AGBL1: variants seen among roughly 807,000 people sequenced by gnomAD.
AGBL1 encodes the protein cytosolic carboxypeptidase 4.
AGBL1 carries 130 observed loss-of-function variants against 118.9 expected under a neutral mutation model. The observed-to-expected ratio is 1.09, with a 90% CI of 0.95 to 1.26. AGBL1 has a LOEUF of 1.26. AGBL1 is among the 50% of genes most tolerant of loss of function. The pLI is 0.00. For synonymous variants in AGBL1, 555 were observed against 478.9 expected (o/e 1.16, Z -2.08); for missense variants, 1,584 against 1,298.1 (o/e 1.22, Z -3.38).
intron 22 of AGBL1, among the ~76,000 whole-genome samples, chr15:86,774,325 A>T (rs1282589858): frequency 1.3e-5 from 2 of 152,168 alleles, no homozygotes; most frequent in Admixed American, 6.6e-5. Flanking sequence ...ACAATAGTGG[A>T]TGATTTCAAA....
intron 21 of AGBL1, among the ~76,000 whole-genome samples, chr15:86,600,616 C>A (rs993225750): frequency 2.6e-5 from 4 of 152,080 alleles, no homozygotes; most frequent in Non-Finnish European, 5.9e-5. Flanking sequence ...CTACAGAAGG[C>A]ACCTTAGGTG....
intron 23 of AGBL1, among the ~76,000 whole-genome samples, chr15:86,963,684 A>G (rs1416260817): frequency 2.6e-5 from 4 of 151,930 alleles, no homozygotes; most frequent in Non-Finnish European, 5.9e-5. Flanking sequence ...TCTGTAGGTT[A>G]GAGGGTGGAG....
intron 24 of AGBL1, among the ~76,000 whole-genome samples, chr15:87,026,640 T>G (rs2081729542): frequency 6.6e-6 from 1 of 152,078 alleles, no homozygotes; most frequent in South Asian, 2.1e-4. Context: ...GCAATCCCAC[T>G]ACTGATACCT....
intron 16 of AGBL1, among the ~76,000 whole-genome samples, chr15:86,280,178 A>G (rs1328089886): frequency 6.6e-6 from 1 of 152,218 alleles, no homozygotes; most frequent in Non-Finnish European, 1.5e-5. Flanking sequence ...AGTCATTCAG[A>G]GGAATGGAGA....
chr15:86,596,605 C>G (rs1287783282), intron 21 of AGBL1, among the ~76,000 whole-genome samples: 1 of 151,856 alleles, frequency 6.6e-6, no homozygotes, highest in Non-Finnish European at 1.5e-5. Flanking sequence ...TTTTTTTTCC[C>G]CAGAGATATA....
intron 17 of AGBL1, among the ~76,000 whole-genome samples, chr15:86,309,908 T>C (rs1026299330): frequency 6.6e-6 from 1 of 152,230 alleles, no homozygotes; most frequent in Non-Finnish European, 1.5e-5. Flanking sequence ...ATAATATCCC[T>C]GTCTAGCTTC....
intron 2 of AGBL1, among the ~76,000 whole-genome samples, 155 bp from the exon 3 acceptor site, chr15:86,143,544 A>G (rs2076992381): frequency 6.6e-6 from 1 of 152,226 alleles, no homozygotes; most frequent in South Asian, 2.1e-4. Context: ...AACTGATAGT[A>G]CAACTTTAAC....
At chr15:86,288,733 T>G (rs1224311451) in intron 16 of AGBL1, among the ~76,000 whole-genome samples, 1 of 152,126 alleles carries the variant, frequency 6.6e-6, no homozygotes, top group Admixed American at 6.6e-5. Context: ...AAAAACAATA[T>G]TGTTCAAATA....
At chr15:86,586,036 G>T (rs544360312) in intron 21 of AGBL1, among the ~76,000 whole-genome samples, 3 of 152,290 alleles carry the variant, frequency 2.0e-5, no homozygotes, top group South Asian at 4.1e-4. Context: ...GCTGCCTGTC[G>T]GCATGCCTCT....
At chr15:86,751,018 A>G (rs759382583) in intron 22 of AGBL1, among the ~76,000 whole-genome samples, 90 of 152,206 alleles carry the variant, frequency 5.9e-4, no homozygotes, top group Non-Finnish European at 1.2e-3. Context: ...TGTGTACCAC[A>G]TTTTTTAAAT....
intron 22 of AGBL1, among the ~76,000 whole-genome samples, chr15:86,880,743 A>G (rs966209830): frequency 6.6e-6 from 1 of 151,958 alleles, no homozygotes; most frequent in African/African-American, 2.4e-5. Flanking sequence ...GTGTGTGTGC[A>G]TATGTATGTG....
At chr15:86,649,623 C>T (rs2085337037) in intron 21 of AGBL1, among the ~76,000 whole-genome samples, 1 of 150,946 alleles carries the variant, frequency 6.6e-6, no homozygotes, top group South Asian at 2.1e-4. Context: ...CCAAATTCTG[C>T]ATAAGAAAAA....
intron 22 of AGBL1, among the ~76,000 whole-genome samples, chr15:86,736,744 T>C (rs764749060): frequency 6.6e-6 from 1 of 152,210 alleles, no homozygotes; most frequent in Non-Finnish European, 1.5e-5. Context: ...TAAGTATGCA[T>C]GCTGGAAGTA....
At chr15:86,127,845 A>G (rs1446737898) in intron 1 of AGBL1, among the ~76,000 whole-genome samples, 1 of 152,168 alleles carries the variant, frequency 6.6e-6, no homozygotes, top group Non-Finnish European at 1.5e-5. Flanking sequence ...GCAGATGAAC[A>G]TGTTGATCTT....
intron 22 of AGBL1, among the ~76,000 whole-genome samples, chr15:86,886,731 C>T (rs1047644600): frequency 1.3e-5 from 2 of 151,996 alleles, no homozygotes; most frequent in Non-Finnish European, 2.9e-5. Flanking sequence ...TTCAATTAGC[C>T]GTGGCAAGAA....
chr15:86,963,628 T>C (rs550643571), intron 23 of AGBL1, among the ~76,000 whole-genome samples: 175 of 152,158 alleles, frequency 1.2e-3, no homozygotes, highest in African/African-American at 4.1e-3. Context: ...TCAGTCTCAT[T>C]ATTTATCGGT....
chr15:86,621,984 C>T (rs1232034570), intron 21 of AGBL1, among the ~76,000 whole-genome samples: 1 of 152,012 alleles, frequency 6.6e-6, no homozygotes, highest in Non-Finnish European at 1.5e-5. Flanking sequence ...AATTAGAAAC[C>T]AGCTTCCCTC....
intron 21 of AGBL1, among the ~76,000 whole-genome samples, chr15:86,644,068 G>A (rs1373092746): frequency 1.3e-5 from 2 of 151,964 alleles, no homozygotes; most frequent in African/African-American, 4.8e-5. Flanking sequence ...ACGTTTAAGT[G>A]GTATAAACAT....
chr15:86,884,422 T>A (rs2079940590), intron 22 of AGBL1, among the ~76,000 whole-genome samples: 1 of 152,240 alleles, frequency 6.6e-6, no homozygotes, highest in African/African-American at 2.4e-5. Flanking sequence ...TTTCCATTCA[T>A]TGTTTTTGGA....
Sources: gnomAD v4.1 joint callset for allele counts (sites outside exome capture counted in the v4.1 genomes callset) on GRCh38, gnomAD v4.1.1 for gene constraint, MANE v1.5 for transcripts, NCBI Gene and HGNC (gene_info 2026-07-23, HGNC 2026-07-21) for gene names.